The following TERB1 variants were observed in gnomAD, a reference collection of about 807,000 sequenced individuals.
TERB1 encodes the protein telomere repeats-binding bouquet formation protein 1.
Under a neutral mutation model 92.3 loss-of-function variants are expected in TERB1, and 63 were observed. The ratio of observed to expected loss-of-function variants is 0.68; its 90% CI spans 0.56 to 0.84. The LOEUF is 0.84. Among genes scored for constraint, TERB1 ranks in the 40% least tolerant of loss-of-function variants. TERB1 has a pLI of 0.00. For synonymous variants in TERB1, 252 were observed against 283.9 expected, an observed-to-expected ratio of 0.89 and a Z score of 1.13; for missense variants, 709 against 843.7, an observed-to-expected ratio of 0.84 and a Z score of 1.98.
Position 66,767,471 on chromosome 16 carries a change from A to G in TERB1, c.1724T>C (p.Val575Ala). 6.5e-7 allele frequency: 1 copy of G among 1,528,082 alleles called. No individual in the cohort carries two copies. Among genetic ancestry groups the G allele is most frequent in the Non-Finnish European group, 8.8e-7 (1 of 1,137,680 alleles). 94.7% of individuals were successfully genotyped at this position (1,528,082 alleles called of 1,614,324 possible). ...TLCSDIINKE[V>A]VSFLATPSCS... Reference sequence around the variant, plus strand: ...ACTGGGAGTTGCTAGAAAACTGACTACTTCTTTATTTATTATATCTGAACA... The same window carrying G: ...ACTGGGAGTTGCTAGAAAACTGACTGCTTCTTTATTTATTATATCTGAACA... The change falls in exon 16 of 19, where the codon GTA becomes GCA. Residue 575 changes from valine (V) to alanine (A), a missense_variant. Coordinates refer to ENST00000433154, the MANE Select transcript of TERB1 (RefSeq NM_001136505.2).
intron 3 of TERB1, among the ~76,000 whole-genome samples, chr16:66,793,117 A>G (rs1376872686): frequency 6.6e-6 from 1 of 151,650 alleles, no homozygotes; most frequent in African/African-American, 2.4e-5. Context: ...TATAGGATGA[A>G]GGGTGGATAT....
In TERB1 at chr16:66,767,421, A is replaced by G. The variant is rs760907067; in HGVS notation, c.1774T>C (p.Cys592Arg). 1.1e-4 allele frequency: 163 copies of G among 1,506,822 alleles called. No individual in the cohort carries two copies. The highest frequency in any genetic ancestry group is 4.1e-4 in the Admixed American group (18 of 43,758). The allele number at this position is 1,506,822 out of a possible 1,614,324, so 93.3% of individuals were successfully genotyped here. ...CAATTAAAAAAATACTTACCTGAGC[A>G]CCTATACGTCAACATTTCGGAACAA... is the stretch of plus-strand genomic sequence containing the variant. ...PSCSEMLTYRCSGCIAVEKSL... is the reference protein window; with the variant it reads ...PSCSEMLTYRRSGCIAVEKSL... Residue 592 changes from cysteine to arginine, a missense_variant, in exon 16 of 19, where the codon TGC (cysteine) becomes CGC (arginine). Transcript: ENST00000433154.
At chr16:66,793,211 G>GTTTTTTTTTT (rs1174263983) in intron 3 of TERB1, among the ~76,000 whole-genome samples, 3 of 93,578 alleles carry the variant, frequency 3.2e-5, no homozygotes, top group African/African-American at 4.8e-5. Context: ...TTGTGGTTTG[G>GTTTTTTTTTT]TTTTTTTTTT....
intron 16 of TERB1, among the ~76,000 whole-genome samples, chr16:66,764,127 G>A (rs1385878154): frequency 6.6e-6 from 1 of 152,176 alleles, no homozygotes; most frequent in Non-Finnish European, 1.5e-5. Flanking sequence ...CTTATTAAAA[G>A]CAGGAAGATG....
intron 16 of TERB1, among the ~76,000 whole-genome samples, chr16:66,765,847 G>GTT (rs2018333047): frequency 1.5e-4 from 16 of 106,688 alleles, no homozygotes; most frequent in South Asian, 3.2e-4. Flanking sequence ...AAACTATTGG[G>GTT]TATTTTTTTT....
rs192044330 is a variant in TERB1 at position 66,791,900 on chromosome 16, T to C, written c.32-881A>G. On this transcript the variant is annotated intron_variant, in intron 3 of 18. Coordinates refer to ENST00000433154, the MANE Select transcript of TERB1 (RefSeq NM_001136505.2). ...TAATATAAATTCTACTCAATTTTTT[T>C]CAAAAGTTTAAGAGAAGGAATACTT... Among the ~76,000 whole-genome samples, 1,350 of 152,280 alleles carry C rather than the reference T, an allele frequency of 8.9e-3. 10 individuals are homozygous for C. Among genetic ancestry groups the C allele is most frequent in the Non-Finnish European group, 0.014 (963 of 67,974 alleles).
chr16:66,786,129 C>T lies in TERB1; in HGVS notation c.462G>A (p.Arg154=). ...CCAACTCATGTTTTGAAATAACTGT[C>T]CTATTAGGTTAAAAAGAAAAGAAAG... ...GCITVLSRLF[R]TVISKHELDL... Residue 154 remains arginine (R), a splice_region_variant and synonymous_variant, in exon 8 of 19, where the codon AGG becomes AGA. Coordinates refer to ENST00000433154, the MANE Select transcript of TERB1 (RefSeq NM_001136505.2). 3.2e-6 allele frequency: 5 copies of T among 1,545,852 alleles called. No individual in the cohort carries two copies. The highest frequency in any genetic ancestry group is 4.4e-6 in the Non-Finnish European group (5 of 1,142,752).
intron 18 of TERB1, among the ~76,000 whole-genome samples, chr16:66,757,588 A>C (rs938052068): frequency 6.6e-6 from 1 of 152,206 alleles, no homozygotes; most frequent in Non-Finnish European, 1.5e-5. Context: ...TGCATGCAGA[A>C]CTTTTAATCT....
chr16:66,788,325 C>T (rs2018762723), intron 5 of TERB1, 28 bp from the exon 6 acceptor site: 1 of 1,456,808 alleles, frequency 6.9e-7, no homozygotes, highest in Non-Finnish European at 9.0e-7. Flanking sequence ...ATTTTAATTT[C>T]AATGCATTGT....
intron 3 of TERB1, among the ~76,000 whole-genome samples, chr16:66,792,089 A>G (rs112013804): frequency 5.6e-4 from 86 of 152,316 alleles, no homozygotes; most frequent in African/African-American, 2.0e-3. Flanking sequence ...ATCACGACTA[A>G]GTGGGTTTAT....
At chr16:66,795,079 G>A (rs1055784807) in intron 3 of TERB1, among the ~76,000 whole-genome samples, 8 of 152,038 alleles carry the variant, frequency 5.3e-5, no homozygotes, top group Non-Finnish European at 1.0e-4. Context: ...ATAAATAGGG[G>A]GCTTGTGTTC....
chr16:66,801,380 C>CTCG (rs1959291891), intron 1 of TERB1, 88 bp downstream of exon 1: 1 of 152,362 alleles, frequency 6.6e-6, no homozygotes, highest in Admixed American at 6.5e-5. Flanking sequence ...GTCCCCCCAA[C>CTCG]TCGACCCTTC....
chr16:66,770,564 A>G (rs2018430166), intron 13 of TERB1, among the ~76,000 whole-genome samples: 1 of 152,162 alleles, frequency 6.6e-6, no homozygotes, highest in Non-Finnish European at 1.5e-5. Flanking sequence ...AAAATGAACC[A>G]AATTTTTAAA....
intron 2 of TERB1, among the ~76,000 whole-genome samples, chr16:66,797,607 G>A (rs1175926937): frequency 4.2e-5 from 6 of 143,310 alleles, no homozygotes; most frequent in Non-Finnish European, 7.5e-5. Flanking sequence ...CTACCTAAGA[G>A]AGGTTTAAAA....
intron 18 of TERB1, among the ~76,000 whole-genome samples, chr16:66,756,997 C>T (rs1467093617): frequency 6.6e-6 from 1 of 152,068 alleles, no homozygotes; most frequent in African/African-American, 2.4e-5. Flanking sequence ...ATGCTTAGGA[C>T]AGTGGTTCCT....
chr16:66,790,004 C>A (rs912792894), intron 5 of TERB1, among the ~76,000 whole-genome samples: 1 of 152,046 alleles, frequency 6.6e-6, no homozygotes, highest in Admixed American at 6.6e-5. Context: ...AGCCACCACG[C>A]CTGGCTGATG....
At chr16:66,757,115 C>G (rs1193780503) in intron 18 of TERB1, among the ~76,000 whole-genome samples, 1 of 152,054 alleles carries the variant, frequency 6.6e-6, no homozygotes, top group Non-Finnish European at 1.5e-5. Context: ...TGGCAACATA[C>G]CAAATATTCC....
chr16:66,796,471 A>G (rs1381003656), intron 3 of TERB1, among the ~76,000 whole-genome samples: 3 of 152,174 alleles, frequency 2.0e-5, no homozygotes, highest in African/African-American at 4.8e-5. Context: ...TCTGGGAACA[A>G]TTCTGAAATC....
intron 9 of TERB1, among the ~76,000 whole-genome samples, chr16:66,781,294 C>T (rs368804309): frequency 6.6e-6 from 1 of 152,134 alleles, no homozygotes; most frequent in East Asian, 1.9e-4. Context: ...TGGGCTCAAG[C>T]GATTCTCCCT....
Sources: gnomAD v4.1 joint callset for allele counts (sites outside exome capture counted in the v4.1 genomes callset) on GRCh38, gnomAD v4.1.1 for gene constraint, MANE v1.5 for transcripts, NCBI Gene and HGNC (gene_info 2026-07-23, HGNC 2026-07-21) for gene names.